The following DCDC1 variants were observed in gnomAD, a reference collection of about 807,000 sequenced individuals.
DCDC1 encodes the protein doublecortin domain-containing protein 1.
A neutral mutation model predicts 178.3 loss-of-function variants in DCDC1; 200 were observed. That is an observed-to-expected ratio of 1.12 (90% CI 1.00 to 1.26). The LOEUF (loss-of-function observed/expected upper bound fraction) is 1.26, where lower values mean the gene tolerates loss of function less well. Ranked by LOEUF, DCDC1 falls within the 50% of genes most tolerant of loss-of-function variation. The pLI is 0.00. For synonymous variants in DCDC1, 690 were observed against 604.8 expected, an observed-to-expected ratio of 1.14 and a Z score of -2.07; for missense variants, 1,983 against 1,749.2, an observed-to-expected ratio of 1.13 and a Z score of -2.38.
chr11:31,039,520 A>C (rs1954295717), intron 20 of DCDC1, among the ~76,000 whole-genome samples: 1 of 152,164 alleles, frequency 6.6e-6, no homozygotes, highest in African/African-American at 2.4e-5. Context: ...CTAAATTCAT[A>C]TGGTAATAAG....
chr11:30,906,789 A>G, intron 29 of DCDC1, 64 bp from the exon 30 acceptor site: 2 of 1,390,318 alleles, frequency 1.4e-6, no homozygotes, highest in Non-Finnish European at 1.9e-6. Flanking sequence ...ATTGCTGTAG[A>G]ACATTTTACA....
chr11:31,227,887 CA>C (rs1246392389), intron 9 of DCDC1, among the ~76,000 whole-genome samples: 1 of 151,760 alleles, frequency 6.6e-6, no homozygotes, highest in African/African-American at 2.4e-5. Context: ...GACTTCAGAA[CA>C]AAGAATATTA....
intron 9 of DCDC1, among the ~76,000 whole-genome samples, chr11:31,240,947 T>G (rs1977061993): frequency 6.6e-6 from 1 of 152,044 alleles, no homozygotes; most frequent in African/African-American, 2.4e-5. Context: ...AAACTAACTC[T>G]GTTTCTATAC....
intron 1 of DCDC1, among the ~76,000 whole-genome samples, chr11:31,363,141 G>A (rs1951792686): frequency 6.7e-6 from 1 of 149,862 alleles, no homozygotes; most frequent in Non-Finnish European, 1.5e-5. Context: ...ATTAAACTGT[G>A]TGTAATTATA....
chr11:31,310,301 ATTCTTGATTTTTTT>A (rs1565592389), intron 3 of DCDC1, among the ~76,000 whole-genome samples: 2 of 108,836 alleles, frequency 1.8e-5, no homozygotes, highest in African/African-American at 8.6e-5. Flanking sequence ...GTTTTCAGTA[ATTCTTGATTTTTTT>A]TTTTTTTTTT....
At chr11:31,162,610 T>G (rs169623) in intron 9 of DCDC1, among the ~76,000 whole-genome samples, 20 of 151,960 alleles carry the variant, frequency 1.3e-4, no homozygotes, top group African/African-American at 4.3e-4. Flanking sequence ...AATCATTGAC[T>G]GCATGAGAAG....
chr11:31,264,752 TC>T (rs900844321), intron 8 of DCDC1, among the ~76,000 whole-genome samples: 1 of 152,196 alleles, frequency 6.6e-6, no homozygotes, highest in Non-Finnish European at 1.5e-5. Flanking sequence ...TCCTACTCTG[TC>T]AATTCTGTGA....
At chr11:30,942,121 A>G (rs1947691512) in intron 21 of DCDC1, among the ~76,000 whole-genome samples, 1 of 152,176 alleles carries the variant, frequency 6.6e-6, no homozygotes, top group Non-Finnish European at 1.5e-5. Flanking sequence ...TATTTAGATA[A>G]GTGTCTGCTA....
intron 9 of DCDC1, among the ~76,000 whole-genome samples, chr11:31,190,173 TAAG>T (rs990188968): frequency 3.4e-4 from 52 of 152,278 alleles, no homozygotes; most frequent in African/African-American, 1.2e-3. Flanking sequence ...GCTAGGAATA[TAAG>T]AAGAATTCTT....
In DCDC1 at chr11:31,057,228, T is replaced by G. The variant is rs575644728; in HGVS notation, c.2591+7241A>C. Among the ~76,000 whole-genome samples the G allele has an allele frequency of 4.1e-5, 5 of 122,692 alleles. No homozygotes were observed. The Admixed American group carries it at 5.6e-4, about 14-fold the overall frequency. 80.5% of individuals were successfully genotyped at this position (122,692 alleles called of 152,430 possible). A position where few individuals can be genotyped will look rare whatever the true frequency, so the allele number is the denominator to read the frequency against. On this transcript the variant is annotated intron_variant, in intron 20 of 38. Coordinates refer to ENST00000684477, the MANE Select transcript of DCDC1 (RefSeq NM_001387274.1). The stretch of plus-strand genomic sequence containing the variant: ...TAGCCAGGGCAATACAGCAAGATTC[T>G]ATCTCGAAAGAAAGAAAAGAAAGGA...
At position 31,305,710 on chromosome 11, in the gene DCDC1, C is replaced by T; in HGVS notation, c.659G>A (p.Gly220Asp). 1 of 1,613,830 alleles carries T rather than the reference C, an allele frequency of 6.2e-7. No homozygotes were observed. The highest frequency in any genetic ancestry group is 1.1e-5 in the South Asian group (1 of 91,074). ...MAARRVFLAD[G>D]KEALEPEDIP... ...ATCTTCAGGTTCGAGGGCTTCCTTG[C>T]CGTCTGCCAAGAACACTCGTCTTGC... Residue 220 changes from glycine to aspartate, a missense_variant, in exon 6 of 39, where the codon GGC (glycine) becomes GAC (aspartate). Physicochemically the swap from Gly to Asp is moderately conservative, Grantham distance 94. Transcript: ENST00000684477.
chr11:31,026,001 T>C (rs1206167931), intron 20 of DCDC1, among the ~76,000 whole-genome samples: 17 of 151,806 alleles, frequency 1.1e-4, no homozygotes, highest in Non-Finnish European at 2.5e-4. Flanking sequence ...AAGAGTTATG[T>C]AAAATGCAGA....
At chr11:31,296,062 G>T (rs1296864964) in intron 6 of DCDC1, among the ~76,000 whole-genome samples, 1 of 152,098 alleles carries the variant, frequency 6.6e-6, no homozygotes, top group Non-Finnish European at 1.5e-5. Flanking sequence ...ACTAGTTTTT[G>T]AAGTTTTCTC....
chr11:31,200,079 C>T (rs1191493004), intron 9 of DCDC1, among the ~76,000 whole-genome samples: 1 of 152,030 alleles, frequency 6.6e-6, no homozygotes, highest in Non-Finnish European at 1.5e-5. Context: ...AAAAAGATGA[C>T]TTGAAACTTG....
At chr11:30,982,356 T>C (rs1950431359) in intron 20 of DCDC1, among the ~76,000 whole-genome samples, 1 of 152,230 alleles carries the variant, frequency 6.6e-6, no homozygotes, top group Admixed American at 6.5e-5. Context: ...TGAAATTAAG[T>C]TAGTATACAG....
chr11:31,278,263 CT>C (rs746207797), intron 7 of DCDC1, among the ~76,000 whole-genome samples: 2 of 152,002 alleles, frequency 1.3e-5, no homozygotes, highest in Non-Finnish European at 2.9e-5. Context: ...CCATATCATC[CT>C]GTTTTGATTA....
In DCDC1 at chr11:31,222,132, G is replaced by A. The variant is rs575653300; in HGVS notation, c.1221+19318C>T. On this transcript the variant is annotated intron_variant, in intron 9 of 38. Coordinates refer to ENST00000684477, the MANE Select transcript of DCDC1 (RefSeq NM_001387274.1). ...GGCTTGGGTGCAGTGGTGTGATGTCGGCTCACTGCAACCTCTGCCTCCCAG... is the reference window on the plus strand; with the variant it reads ...GGCTTGGGTGCAGTGGTGTGATGTCAGCTCACTGCAACCTCTGCCTCCCAG... Among the ~76,000 whole-genome samples the A allele has an allele frequency of 1.8e-3, 271 of 152,038 alleles. 1 individual carries two copies. Among genetic ancestry groups the A allele is most frequent in the African/African-American group, 6.3e-3 (262 of 41,470 alleles).
chr11:31,214,462 G>A (rs535605229), intron 9 of DCDC1, among the ~76,000 whole-genome samples: 1 of 152,232 alleles, frequency 6.6e-6, no homozygotes, highest in South Asian at 2.1e-4. Flanking sequence ...GCTGCACACA[G>A]CAGGATCTAG....
At chr11:31,262,690 C>G (rs1251616461) in intron 8 of DCDC1, 1 of 185,938 alleles carries the variant, frequency 5.4e-6, no homozygotes, top group Non-Finnish European at 1.1e-5. Flanking sequence ...AAAACTTGAC[C>G]TTTCCCAAGT....
Sources: gnomAD v4.1 joint callset for allele counts (sites outside exome capture counted in the v4.1 genomes callset) on GRCh38, gnomAD v4.1.1 for gene constraint, MANE v1.5 for transcripts, NCBI Gene and HGNC (gene_info 2026-07-23, HGNC 2026-07-21) for gene names.